PRKN: variants seen among roughly 807,000 people sequenced by gnomAD.
The protein encoded by PRKN is E3 ubiquitin-protein ligase parkin.
In PRKN, 56 loss-of-function variants were observed where a neutral mutation model predicts 59.5. That is an observed-to-expected ratio of 0.94 (90% CI 0.76 to 1.18). PRKN has a LOEUF of 1.18. PRKN is among the 50% of genes most tolerant of loss of function. The pLI is 0.00. For missense variants in PRKN, 657 were observed against 596.4 expected, an observed-to-expected ratio of 1.10 and a Z score of -1.06; for synonymous variants, 250 against 222.1, an observed-to-expected ratio of 1.13 and a Z score of -1.12.
chr6:161,473,381 A>G lies in PRKN; in HGVS notation c.1083+75473T>C, dbSNP rs1790889775. Among the ~76,000 whole-genome samples, 1 of 150,804 alleles carries G rather than the reference A, an allele frequency of 6.6e-6. No individual in the cohort carries two copies. Among genetic ancestry groups the G allele is most frequent in the Non-Finnish European group, 1.5e-5 (1 of 67,742 alleles). On this transcript the variant is annotated intron_variant, in intron 9 of 11. Transcript: ENST00000366898. The surrounding 1 kb of genome is among the most constrained non-coding windows in gnomAD (Gnocchi z 4.1). ...ATTTATATACATATATATATATAAA[A>G]TGGAATATTATCAAGCCTTAAAAAG...
intron 1 of PRKN, among the ~76,000 whole-genome samples, chr6:162,544,191 A>T (rs183319811): frequency 8.0e-4 from 122 of 152,280 alleles, no homozygotes; most frequent in Non-Finnish European, 1.3e-3. Flanking sequence ...CAGGCAGTAC[A>T]TAATGGATAC....
chr6:161,414,813 T>C lies in PRKN; in HGVS notation c.1084-27936A>G, dbSNP rs1389524830. On this transcript the variant is annotated intron_variant, in intron 9 of 11. Transcript: ENST00000366898. This position sits in a 1 kb window ranked among gnomAD's most constrained non-coding sequence, Gnocchi z 5.3. ...CGCTGAACAGCACCGGGAGGGTCTG[T>C]AGTTGCCAGACTCTATTATTGTGGG... Among the ~76,000 whole-genome samples, 2 of 152,200 alleles carry C rather than the reference T, an allele frequency of 1.3e-5. No individual in the cohort carries two copies. Among genetic ancestry groups the C allele is most frequent in the Non-Finnish European group, 2.9e-5 (2 of 68,034 alleles).
rs60548327 is a variant in PRKN, at chr6:162,387,555, CAGAGAGAGAGAG to C, written c.171+55743_171+55754del. Reference sequence around the variant, plus strand: ...CAACACACACACACACACACACACACAGAGAGAGAGAGAGAGAGAGAGAGAGAGAGAGAGAGA... The same window carrying C: ...CAACACACACACACACACACACACACAGAGAGAGAGAGAGAGAGAGAGAGA... On this transcript the variant is annotated intron_variant, in intron 2 of 11. Coordinates refer to ENST00000366898, the MANE Select transcript of PRKN (RefSeq NM_004562.3). 7.2e-3 allele frequency among the ~76,000 whole-genome samples: 693 copies of C among 95,600 alleles called. 9 individuals are homozygous for C. The highest frequency in any genetic ancestry group is 0.019 in the African/African-American group (465 of 24,304). 62.7% of individuals were successfully genotyped at this position (95,600 alleles called of 152,430 possible). A position where few individuals can be genotyped will look rare whatever the true frequency, so the allele number is the denominator to read the frequency against.
rs116963194 is a variant in PRKN, at chr6:161,433,155, A to G, written c.1084-46278T>C. Among the ~76,000 whole-genome samples the G allele has an allele frequency of 5.4e-3, 817 of 152,362 alleles. 12 individuals are homozygous for G. In the East Asian group the frequency reaches 0.06, roughly 11 times the overall value. On this transcript the variant is annotated intron_variant, in intron 9 of 11. Coordinates refer to ENST00000366898, the MANE Select transcript of PRKN (RefSeq NM_004562.3). ...TAAAAAATAGAATGATACTGCTAAA[A>G]GACTTCTTCCATTGCAATGTACCTA...
At chr6:162,666,199 T>C (rs147391382) in intron 1 of PRKN, among the ~76,000 whole-genome samples, 107 of 152,262 alleles carry the variant, frequency 7.0e-4, no homozygotes, top group Non-Finnish European at 1.4e-3. Flanking sequence ...GAGGGAGTAG[T>C]TTTTGTTTCT....
intron 5 of PRKN, among the ~76,000 whole-genome samples, chr6:162,049,446 C>T (rs1469734610): frequency 2.0e-5 from 3 of 152,160 alleles, no homozygotes; most frequent in Admixed American, 6.5e-5. Flanking sequence ...GAACACTTAA[C>T]TTGAGCTAGC....
intron 1 of PRKN, among the ~76,000 whole-genome samples, chr6:162,501,749 G>C (rs565647031): frequency 6.6e-6 from 1 of 152,064 alleles, no homozygotes; most frequent in Admixed American, 6.5e-5. Flanking sequence ...TGATGTCAGA[G>C]GGCAGAACCA....
intron 1 of PRKN, among the ~76,000 whole-genome samples, chr6:162,672,256 C>T (rs933564296): frequency 3.9e-5 from 6 of 152,126 alleles, no homozygotes; most frequent in South Asian, 2.1e-4. Context: ...CAAAAAGGTG[C>T]TTCCTGGAAA....
At chr6:162,668,390 T>C (rs571350484) in intron 1 of PRKN, among the ~76,000 whole-genome samples, 1 of 152,316 alleles carries the variant, frequency 6.6e-6, no homozygotes, top group African/African-American at 2.4e-5. Flanking sequence ...AACAGAACCA[T>C]GTCACCTCAG....
At chr6:162,648,112 G>T (rs563273757) in intron 1 of PRKN, among the ~76,000 whole-genome samples, 1 of 151,954 alleles carries the variant, frequency 6.6e-6, no homozygotes, top group African/African-American at 2.4e-5. Flanking sequence ...GTAAAAAGAC[G>T]AGCGATGTAA....
intron 4 of PRKN, among the ~76,000 whole-genome samples, chr6:162,090,361 T>C (rs1779432954): frequency 6.6e-6 from 1 of 152,224 alleles, no homozygotes; most frequent in African/African-American, 2.4e-5. Flanking sequence ...ACATTTTATT[T>C]TAAAATAGTT....
chr6:162,595,383 G>T (rs1425662700), intron 1 of PRKN, among the ~76,000 whole-genome samples: 2 of 151,334 alleles, frequency 1.3e-5, no homozygotes, highest in Non-Finnish European at 2.9e-5. Flanking sequence ...AGCCTCCCAA[G>T]TAGCTGGGAC....
At chr6:161,604,163 T>C (rs1438143685) in intron 7 of PRKN, among the ~76,000 whole-genome samples, 1 of 151,994 alleles carries the variant, frequency 6.6e-6, no homozygotes, top group Non-Finnish European at 1.5e-5. Flanking sequence ...GCCCACATGA[T>C]AAGCTACGTT....
At chr6:161,733,783 A>ATAT (rs1554298472) in intron 7 of PRKN, among the ~76,000 whole-genome samples, 13 of 86,206 alleles carry the variant, frequency 1.5e-4, no homozygotes, top group African/African-American at 7.0e-4. Flanking sequence ...AAAAAAAAAA[A>ATAT]ATATATATAT....
intron 2 of PRKN, among the ~76,000 whole-genome samples, chr6:162,414,155 C>CT (rs1788492485): frequency 6.6e-6 from 1 of 152,148 alleles, no homozygotes; most frequent in South Asian, 2.1e-4. Context: ...TGCACTCCAG[C>CT]CTGGGCCACA....
At chr6:162,222,250 A>T (rs1427698068) in intron 3 of PRKN, among the ~76,000 whole-genome samples, 1 of 152,072 alleles carries the variant, frequency 6.6e-6, no homozygotes, top group Non-Finnish European at 1.5e-5. Context: ...ATTAAATACC[A>T]AAGATAAAGG....
rs1791583752 is a variant in PRKN at position 161,484,960 on chromosome 6, T to C, written c.1083+63894A>G. On this transcript the variant is annotated intron_variant, in intron 9 of 11. Coordinates refer to ENST00000366898, the MANE Select transcript of PRKN (RefSeq NM_004562.3). The surrounding 1 kb of genome is among the most constrained non-coding windows in gnomAD (Gnocchi z 4.9). ...CTGCCGCCGGCTTCCCCCTGCTTCTTTGAGGCAAAAATCAGGTCGGACTAG... is the reference window on the plus strand; with the variant it reads ...CTGCCGCCGGCTTCCCCCTGCTTCTCTGAGGCAAAAATCAGGTCGGACTAG... Among the ~76,000 whole-genome samples, 1 of 152,140 alleles carries C rather than the reference T, an allele frequency of 6.6e-6. No individual in the cohort carries two copies. The highest frequency in any genetic ancestry group is 2.4e-5 in the African/African-American group (1 of 41,430).
In PRKN at chr6:161,551,837, C is replaced by G. The variant is rs143537794; in HGVS notation, c.934-2834G>C. 6.6e-6 allele frequency among the ~76,000 whole-genome samples: 1 copy of G among 152,064 alleles called. No homozygotes were observed. The highest frequency in any genetic ancestry group is 1.5e-5 in the Non-Finnish European group (1 of 68,028). ...CTGAAGGCAGGACTGAGACGAGAAG[C>G]GCAGATGGACAGTTTAAGCCAGAGA... On this transcript the variant is annotated intron_variant, in intron 8 of 11. Coordinates refer to ENST00000366898, the MANE Select transcript of PRKN (RefSeq NM_004562.3). The surrounding 1 kb of genome is among the most constrained non-coding windows in gnomAD (Gnocchi z 5.2).
chr6:161,631,129 G>A (rs1028196248), intron 7 of PRKN, among the ~76,000 whole-genome samples: 5 of 152,170 alleles, frequency 3.3e-5, no homozygotes, highest in African/African-American at 1.2e-4. Flanking sequence ...GATTGGGGGT[G>A]AGTACATCAG....
Sources: gnomAD v4.1 joint callset for allele counts (sites outside exome capture counted in the v4.1 genomes callset) on GRCh38, gnomAD v4.1.1 for gene constraint, Gnocchi (gnomAD v3.1) non-coding constraint, MANE v1.5 for transcripts, NCBI Gene and HGNC (gene_info 2026-07-23, HGNC 2026-07-21) for gene names.